Variants in CTNNAL1 observed in about 807,000 individuals in gnomAD.
The protein encoded by CTNNAL1 is alpha-catulin.
CTNNAL1 carries 69 observed loss-of-function variants against 93.6 expected under a neutral mutation model. The observed-to-expected ratio is 0.74, with a 90% CI of 0.61 to 0.90. The LOEUF (loss-of-function observed/expected upper bound fraction) is 0.90. Among genes scored for constraint, CTNNAL1 ranks in the 40% least tolerant of loss-of-function variants. CTNNAL1 has a pLI of 0.00. For missense variants in CTNNAL1, 836 were observed against 862.0 expected, an observed-to-expected ratio of 0.97 and a Z score of 0.38; for synonymous variants, 286 against 305.4, an observed-to-expected ratio of 0.94 and a Z score of 0.66.
rs192816615 is a variant in CTNNAL1 at position 108,990,607 on chromosome 9, C to T, written c.639+119G>A. 32 of 1,263,776 alleles carry T rather than the reference C, an allele frequency of 2.5e-5. No homozygotes were observed. The Admixed American group carries it at 1.0e-3, about 40-fold the overall frequency. The allele number at this position is 1,263,776 out of a possible 1,614,324, so 78.3% of individuals were successfully genotyped here. On this transcript the variant is annotated intron_variant, in intron 4 of 18. Coordinates refer to ENST00000325551, the MANE Select transcript of CTNNAL1 (RefSeq NM_003798.4). Reference sequence around the variant, plus strand: ...GCTTATCTATGAAAGGCTTTCAAGACCAAGGCTATAGACTTAATAAGCAAA... The same window carrying T: ...GCTTATCTATGAAAGGCTTTCAAGATCAAGGCTATAGACTTAATAAGCAAA...
Position 108,948,214 on chromosome 9 carries a change from G to C in CTNNAL1, c.1856C>G (p.Thr619Ser), listed in dbSNP as rs780225377. ...LFTRGEGPLK[T>S]SQDLIHQLEV... ...TAGTTGATGAATTAAATCCTGGGAAGTTTTCAGTGGCCCCTCTCCTCTAAA... is the reference window on the plus strand; with the variant it reads ...TAGTTGATGAATTAAATCCTGGGAACTTTTCAGTGGCCCCTCTCCTCTAAA... Residue 619 changes from threonine (T) to serine (S), a missense_variant, in exon 15 of 19, where the codon ACT (threonine) becomes AGT (serine). Coordinates refer to ENST00000325551, the MANE Select transcript of CTNNAL1 (RefSeq NM_003798.4). 4 of 1,612,314 alleles carry C rather than the reference G, an allele frequency of 2.5e-6. No homozygotes were observed. The highest frequency in any genetic ancestry group is 3.4e-6 in the Non-Finnish European group (4 of 1,179,514).
Position 108,970,425 on chromosome 9 carries a change from T to C in CTNNAL1, c.1417A>G (p.Thr473Ala), listed in dbSNP as rs751379390. 10 of 1,612,268 alleles carry C rather than the reference T, an allele frequency of 6.2e-6. No individual in the cohort carries two copies. The highest frequency in any genetic ancestry group is 1.1e-5 in the South Asian group (1 of 90,740). Residue 473 changes from threonine to alanine, a missense_variant, in exon 10 of 19, where the codon ACA becomes GCA. Coordinates refer to ENST00000325551, the MANE Select transcript of CTNNAL1 (RefSeq NM_003798.4). Reference protein sequence around the residue: ...LEITCIHAEETFQVTGQQIIS... With the variant: ...LEITCIHAEEAFQVTGQQIIS... Reference sequence around the variant, plus strand: ...ACCTGTTGGCCAGTCACCTGAAATGTCTCCTCTGCATGTATACAGGTTATT... The same window carrying C: ...ACCTGTTGGCCAGTCACCTGAAATGCCTCCTCTGCATGTATACAGGTTATT...
Position 108,992,014 on chromosome 9 carries a change from A to G in CTNNAL1, c.519+618T>C, listed in dbSNP as rs1172796270. On this transcript the variant is annotated intron_variant, in intron 3 of 18. Transcript: ENST00000325551. ...GAGTACAGAAATTTTGTAGTTGTGG[A>G]TAATTATCATTTCCACTGATTTAAC... 4 of 751,088 alleles carry G rather than the reference A, an allele frequency of 5.3e-6. No homozygotes were observed. The Admixed American group carries it at 7.3e-5, about 14-fold the overall frequency. 46.5% of individuals were successfully genotyped at this position (751,088 alleles called of 1,614,324 possible). A position where few individuals can be genotyped will look rare whatever the true frequency, so the allele number is the denominator to read the frequency against.
At chr9:108,986,903 A>C (rs1460073433) in intron 4 of CTNNAL1, among the ~76,000 whole-genome samples, 1 of 152,112 alleles carries the variant, frequency 6.6e-6, no homozygotes, top group South Asian at 2.1e-4. Context: ...AATTTGTTTG[A>C]GTTCATTGTA....
intron 4 of CTNNAL1, among the ~76,000 whole-genome samples, chr9:108,987,864 T>A (rs200153909): frequency 0.048 from 7,270 of 152,288 alleles, 279 homozygotes; most frequent in South Asian, 0.12. Flanking sequence ...CTTGTGATTT[T>A]TGCACATTGA....
At chr9:108,946,917 GA>G (rs900638269) in intron 15 of CTNNAL1, among the ~76,000 whole-genome samples, 17 of 145,514 alleles carry the variant, frequency 1.2e-4, no homozygotes, top group Admixed American at 1.4e-4. Context: ...GGGCCAAACT[GA>G]AAAAAAAAAT....
chr9:108,987,385 T>A, intron 4 of CTNNAL1, among the ~76,000 whole-genome samples: 1 of 152,222 alleles, frequency 6.6e-6, no homozygotes. Context: ...TCCATTGATC[T>A]ATATCTCTGT....
At chr9:109,012,677 C>T (rs1827241032) in intron 1 of CTNNAL1, among the ~76,000 whole-genome samples, 1 of 152,222 alleles carries the variant, frequency 6.6e-6, no homozygotes, top group African/African-American at 2.4e-5. Flanking sequence ...GTCACTCTTC[C>T]ACGAGGCCGG....
intron 15 of CTNNAL1, among the ~76,000 whole-genome samples, chr9:108,944,395 A>G (rs1235089185): frequency 6.7e-6 from 1 of 150,020 alleles, no homozygotes; most frequent in East Asian, 2.0e-4. Context: ...GCATGAGGTC[A>G]AAAGGGTTAG....
At chr9:109,009,681 C>A (rs1827151197) in intron 1 of CTNNAL1, among the ~76,000 whole-genome samples, 1 of 152,160 alleles carries the variant, frequency 6.6e-6, no homozygotes, top group South Asian at 2.1e-4. Flanking sequence ...GCCCTTTGTG[C>A]TTTCATATAA....
intron 1 of CTNNAL1, among the ~76,000 whole-genome samples, chr9:109,001,075 G>A (rs1426280680): frequency 2.7e-5 from 4 of 150,588 alleles, no homozygotes; most frequent in Non-Finnish European, 5.9e-5. Flanking sequence ...GGGAGGCTGA[G>A]GCAGGAGAAT....
intron 1 of CTNNAL1, among the ~76,000 whole-genome samples, chr9:109,004,131 C>T (rs148172481): frequency 5.3e-5 from 8 of 152,184 alleles, no homozygotes; most frequent in African/African-American, 1.4e-4. Flanking sequence ...GACACTTCAC[C>T]GGCCAAGTGG....
intron 11 of CTNNAL1, among the ~76,000 whole-genome samples, chr9:108,957,116 ATTT>A (rs760444621): frequency 3.0e-5 from 4 of 132,480 alleles, no homozygotes; most frequent in Non-Finnish European, 4.9e-5. Flanking sequence ...GCCTGTTAGA[ATTT>A]TTTTTTTTTT....
Position 108,942,835 on chromosome 9 carries a change from CT to C in CTNNAL1, c.2140-2del, listed in dbSNP as rs774023934. 6.2e-7 allele frequency: 1 copy of C among 1,613,262 alleles called. No individual in the cohort carries two copies. The highest frequency in any genetic ancestry group is 2.2e-5 in the East Asian group (1 of 44,806). ...CCCATCCGTTATTTTCCATCTGAAG[CT>C]GGAAAGAGTTAAGACAATTAGTATC... On this transcript the variant is annotated splice_acceptor_variant, in intron 18 of 18. Coordinates refer to ENST00000325551, the MANE Select transcript of CTNNAL1 (RefSeq NM_003798.4). LOFTEE classifies it high-confidence loss of function.
chr9:109,004,562 C>T lies in CTNNAL1; in HGVS notation c.142-5306G>A, dbSNP rs762928346. 1.8e-4 allele frequency among the ~76,000 whole-genome samples: 28 copies of T among 152,100 alleles called. 1 individual carries two copies. The highest frequency in any genetic ancestry group is 1.2e-3 in the Admixed American group (19 of 15,274). ...CAGCACTTTGGGAGGCCAAGGTGGGCGGATCACGAGGTCAGGAATTTGAGA... is the reference window on the plus strand; with the variant it reads ...CAGCACTTTGGGAGGCCAAGGTGGGTGGATCACGAGGTCAGGAATTTGAGA... On this transcript the variant is annotated intron_variant, in intron 1 of 18. Transcript: ENST00000325551.
intron 11 of CTNNAL1, among the ~76,000 whole-genome samples, chr9:108,958,080 A>C (rs1253215478): frequency 2.0e-5 from 3 of 151,440 alleles, no homozygotes; most frequent in African/African-American, 7.2e-5. Context: ...AAAAAAAAAA[A>C]AAAACAAAGT....
intron 8 of CTNNAL1, among the ~76,000 whole-genome samples, chr9:108,974,039 G>A (rs62575207): frequency 0.048 from 7,335 of 152,242 alleles, 291 homozygotes; most frequent in South Asian, 0.13. Flanking sequence ...TACAGACTAC[G>A]AAACAGCTCC....
intron 2 of CTNNAL1, among the ~76,000 whole-genome samples, chr9:108,994,975 T>C (rs1416599432): frequency 6.6e-6 from 1 of 152,178 alleles, no homozygotes; most frequent in Non-Finnish European, 1.5e-5. Flanking sequence ...AGACCTGCAG[T>C]GCACTCAAGC....
intron 1 of CTNNAL1, among the ~76,000 whole-genome samples, chr9:109,003,950 C>T (rs1826933996): frequency 6.6e-6 from 1 of 152,172 alleles, no homozygotes; most frequent in Non-Finnish European, 1.5e-5. Context: ...TAGGTGAAGT[C>T]TCATTCCCCT....
Sources: allele counts gnomAD v4.1 joint callset (sites outside exome capture counted in the v4.1 genomes callset), GRCh38; gene constraint gnomAD v4.1.1; transcripts MANE v1.5; gene names NCBI Gene and HGNC (gene_info 2026-07-23, HGNC 2026-07-21).